Variants in SLCO4C1 observed in about 807,000 individuals in gnomAD.
SLCO4C1 encodes organic anion transporter M1.
A neutral mutation model predicts 72.1 loss-of-function variants in SLCO4C1; 58 were observed. The observed-to-expected ratio is 0.80, with a 90% CI of 0.65 to 1.00. The LOEUF (loss-of-function observed/expected upper bound fraction) is 1.00, where lower values mean the gene tolerates loss of function less well. Ranked by LOEUF, SLCO4C1 falls within the 50% of genes least tolerant of loss-of-function variation. The pLI, the probability that SLCO4C1 is intolerant of heterozygous loss-of-function variation, is 0.00. For synonymous variants in SLCO4C1, 297 were observed against 312.5 expected (o/e 0.95, Z 0.52); for missense variants, 898 against 857.9 (o/e 1.05, Z -0.58).
chr5:102,242,118 T>G (rs1037803682), intron 10 of SLCO4C1, among the ~76,000 whole-genome samples: 1 of 152,178 alleles, frequency 6.6e-6, no homozygotes. Flanking sequence ...CCAACTTACC[T>G]GACACCTGCC....
chr5:102,269,327 C>T (rs1749105424), intron 3 of SLCO4C1, among the ~76,000 whole-genome samples: 1 of 148,108 alleles, frequency 6.8e-6, no homozygotes, highest in Non-Finnish European at 1.5e-5. Context: ...CTTAATAGTG[C>T]CCATATGTCA....
At chr5:102,252,473 C>T (rs1438231141) in intron 8 of SLCO4C1, among the ~76,000 whole-genome samples, 1 of 152,088 alleles carries the variant, frequency 6.6e-6, no homozygotes, top group Non-Finnish European at 1.5e-5. Context: ...ATGATAATAT[C>T]AAGGGTTGAT....
At chr5:102,268,898 A>C (rs1265584221) in intron 3 of SLCO4C1, among the ~76,000 whole-genome samples, 1 of 151,948 alleles carries the variant, frequency 6.6e-6, no homozygotes, top group Non-Finnish European at 1.5e-5. Context: ...TTTCACCTTT[A>C]TTTCTGAAGA....
intron 10 of SLCO4C1, among the ~76,000 whole-genome samples, chr5:102,246,286 T>C (rs925671600): frequency 1.8e-4 from 27 of 151,682 alleles, no homozygotes; most frequent in Non-Finnish European, 1.5e-5. Context: ...AAGGAGAAGA[T>C]GCAAAGTAAT....
At chr5:102,276,597 A>G (rs1014553893) in intron 2 of SLCO4C1, among the ~76,000 whole-genome samples, 1 of 152,022 alleles carries the variant, frequency 6.6e-6, no homozygotes, top group African/African-American at 2.4e-5. Flanking sequence ...TTCTTTCCCT[A>G]TTGAGTTACT....
intron 12 of SLCO4C1, among the ~76,000 whole-genome samples, chr5:102,238,261 C>A (rs1421353112): frequency 6.6e-6 from 1 of 151,794 alleles, no homozygotes; most frequent in Non-Finnish European, 1.5e-5. Context: ...CCAAAAAGTA[C>A]AAACAAAATG....
At chr5:102,250,483 C>T (rs960908040) in intron 8 of SLCO4C1, among the ~76,000 whole-genome samples, 10 of 152,060 alleles carry the variant, frequency 6.6e-5, no homozygotes, top group African/African-American at 1.4e-4. Context: ...TGCTGGGTAA[C>T]GGGAATACAA....
At chr5:102,256,412 C>T (rs938329396) in intron 8 of SLCO4C1, among the ~76,000 whole-genome samples, 2 of 152,146 alleles carry the variant, frequency 1.3e-5, no homozygotes, top group South Asian at 2.1e-4. Context: ...CTTGACCTAA[C>T]GTACCACTTT....
At chr5:102,279,126 T>C (rs1357546634) in intron 2 of SLCO4C1, among the ~76,000 whole-genome samples, 1 of 151,930 alleles carries the variant, frequency 6.6e-6, no homozygotes, top group African/African-American at 2.4e-5. Flanking sequence ...AGACAAATAC[T>C]ATCAATATCA....
intron 2 of SLCO4C1, among the ~76,000 whole-genome samples, chr5:102,281,981 C>T (rs1190069655): frequency 1.3e-5 from 2 of 152,046 alleles, no homozygotes; most frequent in African/African-American, 2.4e-5. Context: ...TTTGTAATAA[C>T]CAAAATCTGG....
intron 10 of SLCO4C1, among the ~76,000 whole-genome samples, chr5:102,241,750 A>G (rs966823475): frequency 6.6e-6 from 1 of 152,202 alleles, no homozygotes; most frequent in Non-Finnish European, 1.5e-5. Context: ...AAACAATCCT[A>G]AAATTCATAT....
chr5:102,239,468 T>C (rs1748499725), intron 11 of SLCO4C1, 80 bp from the exon 12 acceptor site: 2 of 985,014 alleles, frequency 2.0e-6, no homozygotes, highest in Non-Finnish European at 2.7e-6. Context: ...TGATCATACA[T>C]ATATTTTATA....
chr5:102,265,370 G>C (rs1648673105), intron 3 of SLCO4C1, among the ~76,000 whole-genome samples: 1 of 152,088 alleles, frequency 6.6e-6, no homozygotes. Flanking sequence ...TGCTTTTGCA[G>C]TCTTAGCCAT....
intron 10 of SLCO4C1, among the ~76,000 whole-genome samples, chr5:102,243,064 C>T (rs1748575218): frequency 6.6e-6 from 1 of 152,134 alleles, no homozygotes; most frequent in African/African-American, 2.4e-5. Context: ...GGTAGTCTGG[C>T]AGTACTCCTC....
chr5:102,284,334 G>T (rs1749409699), intron 2 of SLCO4C1, among the ~76,000 whole-genome samples: 1 of 152,032 alleles, frequency 6.6e-6, no homozygotes, highest in Non-Finnish European at 1.5e-5. Flanking sequence ...TAGTTCTTAA[G>T]GACCTAGTCT....
chr5:102,259,567 A>T (rs1467583343), intron 6 of SLCO4C1, among the ~76,000 whole-genome samples: 1 of 152,148 alleles, frequency 6.6e-6, no homozygotes, highest in Non-Finnish European at 1.5e-5. Context: ...TCACATCTTG[A>T]AAAGGTAAAA....
chr5:102,293,652 G>T (rs1749595264), intron 1 of SLCO4C1, among the ~76,000 whole-genome samples: 1 of 152,186 alleles, frequency 6.6e-6, no homozygotes, highest in South Asian at 2.1e-4. Flanking sequence ...TAAGGATCAT[G>T]TTTGAGAAAC....
chr5:102,280,695 C>A (rs547154713), intron 2 of SLCO4C1, among the ~76,000 whole-genome samples: 1 of 151,986 alleles, frequency 6.6e-6, no homozygotes, highest in Non-Finnish European at 1.5e-5. Context: ...CTTACATGGT[C>A]GCAGGCGAGA....
At position 102,286,248 on chromosome 5, in the gene SLCO4C1, G is replaced by A. The variant is rs147656437; in HGVS notation, c.619+5095C>T. The stretch of plus-strand genomic sequence containing the variant: ...AAGAGAAACAAAGATATAGTGCAAC[G>A]TAGGAAAAATTATCTAATTATTGGT... On this transcript the variant is annotated intron_variant, in intron 2 of 12. Coordinates refer to ENST00000310954, the MANE Select transcript of SLCO4C1 (RefSeq NM_180991.5). 2.4e-3 allele frequency among the ~76,000 whole-genome samples: 371 copies of A among 152,192 alleles called. 1 individual carries two copies. Among genetic ancestry groups the A allele is most frequent in the Non-Finnish European group, 3.2e-3 (220 of 67,976 alleles).
Sources: gnomAD v4.1 joint callset for allele counts (sites outside exome capture counted in the v4.1 genomes callset) on GRCh38, gnomAD v4.1.1 for gene constraint, MANE v1.5 for transcripts, NCBI Gene and HGNC (gene_info 2026-07-23, HGNC 2026-07-21) for gene names.